Variants in NMD3 observed in about 807,000 individuals in gnomAD.
NMD3 encodes the protein 60S ribosomal export protein NMD3.
In NMD3, 47 loss-of-function variants were observed where a neutral mutation model predicts 73.1. The observed-to-expected ratio is 0.64, with a 90% CI of 0.51 to 0.82. NMD3 has a LOEUF of 0.82. Among genes scored for constraint, NMD3 ranks in the 40% least tolerant of loss-of-function variants. The probability of loss-of-function intolerance (pLI) is 0.00; values close to 1 mark genes in which losing one functional copy is unlikely to be tolerated. For synonymous variants in NMD3, 210 were observed against 194.5 expected (o/e 1.08, Z -0.66); for missense variants, 554 against 612.5 (o/e 0.90, Z 1.01).
intron 9 of NMD3, among the ~76,000 whole-genome samples, chr3:161,239,730 A>C (rs1736898628): frequency 6.6e-6 from 1 of 152,222 alleles, no homozygotes; most frequent in Admixed American, 6.5e-5. Flanking sequence ...TGTACTAGGG[A>C]TGAAATGATA....
chr3:161,238,228 A>G, intron 8 of NMD3, 37 bp downstream of exon 8: 1 of 1,266,122 alleles, frequency 7.9e-7, no homozygotes, highest in Non-Finnish European at 1.1e-6. Flanking sequence ...AAATCTAAGG[A>G]CTTGGGAATG....
chr3:161,239,277 CAT>C (rs763077008), intron 9 of NMD3, among the ~76,000 whole-genome samples: 24 of 152,054 alleles, frequency 1.6e-4, no homozygotes, highest in Non-Finnish European at 2.9e-4. Context: ...GATTTTAAAA[CAT>C]AAGCTGAATA....
At chr3:161,232,667 T>C (rs1356032772) in intron 4 of NMD3, among the ~76,000 whole-genome samples, 1 of 152,202 alleles carries the variant, frequency 6.6e-6, no homozygotes, top group Non-Finnish European at 1.5e-5. Flanking sequence ...TTTTTCTGCA[T>C]CACTTGGACT....
chr3:161,224,480 C>T (rs1366762102), intron 2 of NMD3, among the ~76,000 whole-genome samples: 3 of 151,966 alleles, frequency 2.0e-5, no homozygotes, highest in Non-Finnish European at 2.9e-5. Flanking sequence ...TTGAAGATTG[C>T]TTTGTTTCTT....
At chr3:161,245,573 A>T (rs79993423) in intron 11 of NMD3, among the ~76,000 whole-genome samples, 2,073 of 151,942 alleles carry the variant, frequency 0.014, 19 homozygotes, top group Non-Finnish European at 0.021. Flanking sequence ...CAACTGCAAT[A>T]AGAAACACTT....
intron 9 of NMD3, among the ~76,000 whole-genome samples, chr3:161,239,075 T>C (rs1334176249): frequency 1.3e-5 from 2 of 152,176 alleles, no homozygotes; most frequent in African/African-American, 2.4e-5. Flanking sequence ...TTATAGTTGA[T>C]AAAAGTCCGT....
At chr3:161,221,121 A>T (rs1182394871), upstream of NMD3, 3 of 152,172 alleles carry the variant, frequency 2.0e-5, no homozygotes, top group Non-Finnish European at 1.5e-5. Flanking sequence ...GAAAATCGAG[A>T]CGATAACTGA....
intron 14 of NMD3, 82 bp downstream of exon 14, chr3:161,249,642 C>A: frequency 1.2e-6 from 1 of 860,414 alleles, no homozygotes; most frequent in Non-Finnish European, 1.9e-6. Flanking sequence ...AAGAAATAGG[C>A]ATCACACAAT....
At chr3:161,233,358 G>C (rs370084582) in intron 4 of NMD3, 41 bp from the exon 5 acceptor site, 12 of 1,414,868 alleles carry the variant, frequency 8.5e-6, no homozygotes, top group South Asian at 1.2e-5. Context: ...TTTCCTCCTA[G>C]GTGAGAACTT....
In NMD3 at chr3:161,251,032, A is replaced by G; in HGVS notation, c.*122A>G. 1 of 710,706 alleles carries G rather than the reference A, an allele frequency of 1.4e-6. No individual in the cohort carries two copies. Among genetic ancestry groups the G allele is most frequent in the Admixed American group, 2.6e-5 (1 of 38,090 alleles). The allele number at this position is 710,706 out of a possible 1,614,324, so 44.0% of individuals were successfully genotyped here. A position where few individuals can be genotyped will look rare whatever the true frequency, so the allele number is the denominator to read the frequency against. On this transcript the variant is annotated 3_prime_UTR_variant, in exon 16 of 16. Coordinates refer to ENST00000351193, the MANE Select transcript of NMD3 (RefSeq NM_015938.5). ...GAAATTTAGTTTTAAACCTGAATAA[A>G]CATGTTTGTTTTCAGTGCTCACTCA... is the stretch of plus-strand genomic sequence containing the variant.
chr3:161,240,041 G>C (rs1009336327), intron 9 of NMD3, among the ~76,000 whole-genome samples: 2 of 152,182 alleles, frequency 1.3e-5, no homozygotes, highest in African/African-American at 2.4e-5. Context: ...TTTAGGCCTT[G>C]TGTAACTGAG....
At chr3:161,239,729 G>C (rs978769239) in intron 9 of NMD3, among the ~76,000 whole-genome samples, 1 of 152,180 alleles carries the variant, frequency 6.6e-6, no homozygotes, top group African/African-American at 2.4e-5. Context: ...ATGTACTAGG[G>C]ATGAAATGAT....
At chr3:161,247,150 A>T (rs1445230530) in intron 12 of NMD3, 108 bp from the exon 13 acceptor site, 10 of 648,278 alleles carry the variant, frequency 1.5e-5, no homozygotes, top group Non-Finnish European at 2.8e-5. Context: ...TAAAGTGAGA[A>T]GCATATTAAA....
chr3:161,248,006 G>A (rs1419342493), intron 13 of NMD3, among the ~76,000 whole-genome samples: 18 of 150,488 alleles, frequency 1.2e-4, no homozygotes, highest in Admixed American at 9.3e-4. Flanking sequence ...GGCTGGTCTC[G>A]AACTCCTGGC....
intron 9 of NMD3, among the ~76,000 whole-genome samples, chr3:161,240,701 A>G (rs1736939157): frequency 6.6e-6 from 1 of 151,216 alleles, no homozygotes. Flanking sequence ...ATTAAAATAT[A>G]TATATATATG....
chr3:161,226,186 G>T (rs1736307218), intron 3 of NMD3, among the ~76,000 whole-genome samples: 1 of 152,136 alleles, frequency 6.6e-6, no homozygotes, highest in African/African-American at 2.4e-5. Flanking sequence ...AGGCTTGGTG[G>T]CTCACGCCTG....
At position 161,234,725 on chromosome 3, in the gene NMD3, A is replaced by C. The variant is rs781607400; in HGVS notation, c.358-2A>C. 1 of 1,601,794 alleles carries C rather than the reference A, an allele frequency of 6.2e-7. No individual in the cohort carries two copies. Among genetic ancestry groups the C allele is most frequent in the East Asian group, 2.2e-5 (1 of 44,618 alleles). ...AATGAAGGAGTGTAATTGTTTTATC[A>C]GGTGATGAATGGTGCTATCCTTCAA... is the stretch of plus-strand genomic sequence containing the variant. On this transcript the variant is annotated splice_acceptor_variant, in intron 5 of 15. Coordinates refer to ENST00000351193, the MANE Select transcript of NMD3 (RefSeq NM_015938.5). LOFTEE classifies it high-confidence loss of function.
rs182932182 is a variant in NMD3, at chr3:161,251,519, A to T, written c.*609A>T. Reference sequence around the variant, plus strand: ...TTATCTTAATTTTTATTGCAGTAGGAGGAAATATATTTAAAATATTTGTAG... The same window carrying T: ...TTATCTTAATTTTTATTGCAGTAGGTGGAAATATATTTAAAATATTTGTAG... On this transcript the variant is annotated 3_prime_UTR_variant, in exon 16 of 16. Coordinates refer to ENST00000351193, the MANE Select transcript of NMD3 (RefSeq NM_015938.5). 6.6e-6 allele frequency: 1 copy of T among 152,274 alleles called. No homozygotes were observed. The highest frequency in any genetic ancestry group is 2.4e-5 in the African/African-American group (1 of 41,558). 9.4% of individuals were successfully genotyped at this position (152,274 alleles called of 1,614,324 possible).
rs765419136 is a variant in NMD3 at position 161,233,391 on chromosome 3, T to C, written c.277-8T>C. On this transcript the variant is annotated splice_region_variant and splice_polypyrimidine_tract_variant and intron_variant, in intron 4 of 15. Transcript: ENST00000351193. ...CTTACGTTTCTTTTTGTTTGTGTTTTATTGAAGGTACGGCTTGTAGATGCA... is the reference window on the plus strand; with the variant it reads ...CTTACGTTTCTTTTTGTTTGTGTTTCATTGAAGGTACGGCTTGTAGATGCA... 3 of 1,601,598 alleles carry C rather than the reference T, an allele frequency of 1.9e-6. No individual in the cohort carries two copies. In the Admixed American group the frequency reaches 5.1e-5, roughly 27 times the overall value.
Sources: allele counts gnomAD v4.1 joint callset (sites outside exome capture counted in the v4.1 genomes callset), GRCh38; gene constraint gnomAD v4.1.1; transcripts MANE v1.5; gene names NCBI Gene and HGNC (gene_info 2026-07-23, HGNC 2026-07-21).